FRY: variants seen among roughly 807,000 people sequenced by gnomAD.
The protein encoded by FRY is protein furry homolog.
In FRY, 128 loss-of-function variants were observed where a neutral mutation model predicts 348.4. The ratio of observed to expected loss-of-function variants is 0.37; its 90% CI spans 0.32 to 0.43. The LOEUF is 0.43. Among genes scored for constraint, FRY ranks in the 20% least tolerant of loss-of-function variants. The probability of loss-of-function intolerance (pLI) is 1.00; values close to 1 mark genes in which losing one functional copy is unlikely to be tolerated. For synonymous variants in FRY, 1,370 were observed against 1,374.7 expected (o/e 1.00, Z 0.08); for missense variants, 2,736 against 3,695.2 (o/e 0.74, Z 6.73).
chr13:32,081,926 T>C (rs111445738), intron 2 of FRY, among the ~76,000 whole-genome samples: 1,833 of 152,306 alleles, frequency 0.012, 44 homozygotes, highest in African/African-American at 0.042. Flanking sequence ...TACAAAGACA[T>C]TGAATGCTTT....
At position 32,201,931 on chromosome 13, in the gene FRY, G is replaced by A; in HGVS notation, c.3747-10G>A. 1 of 1,449,986 alleles carries A rather than the reference G, an allele frequency of 6.9e-7. No individual in the cohort carries two copies. Among genetic ancestry groups the A allele is most frequent in the Non-Finnish European group, 9.7e-7 (1 of 1,030,466 alleles). 89.8% of individuals were successfully genotyped at this position (1,449,986 alleles called of 1,614,324 possible). On this transcript the variant is annotated splice_polypyrimidine_tract_variant and intron_variant, in intron 29 of 60. Transcript: ENST00000542859. ...CATGCTTTTTTTGTTTTGTTCTGTT[G>A]TGTTTTTAGGAACTATCCCTTCGAC... is the stretch of plus-strand genomic sequence containing the variant.
At chr13:32,282,242 C>A (rs1427439266) in intron 58 of FRY, among the ~76,000 whole-genome samples, 1 of 152,188 alleles carries the variant, frequency 6.6e-6, no homozygotes. Context: ...TCCAACACTC[C>A]TGTGTAATCA....
Position 32,208,907 on chromosome 13 carries a change from C to T in FRY, c.4073C>T (p.Thr1358Ile). ...CCCAACGGGCGCCAGATCATGCTTA[C>T]CTACCTGCTGCCCTGGCTGCACAAC... Reference protein sequence around the residue: ...THPNGRQIMLTYLLPWLHNIE... With the variant: ...THPNGRQIMLIYLLPWLHNIE... Residue 1358 changes from threonine (T) to isoleucine (I), a missense_variant, in exon 32 of 61, where the codon ACC becomes ATC. Thr to Ile is a moderately conservative substitution (Grantham distance 89, BLOSUM62 -1). Around this residue, in one of 9 missense-constraint regions of FRY, gnomAD observed 794 missense variants for 977.0 expected, o/e 0.81. Coordinates refer to ENST00000542859, the MANE Select transcript of FRY (RefSeq NM_023037.3). The T allele has an allele frequency of 1.2e-6, 2 of 1,614,206 alleles. No individual in the cohort carries two copies. Among genetic ancestry groups the T allele is most frequent in the Non-Finnish European group, 1.7e-6 (2 of 1,180,028 alleles).
Position 32,218,774 on chromosome 13 carries a change from A to G in FRY, c.4708A>G (p.Thr1570Ala), listed in dbSNP as rs747394981. The change falls in exon 36 of 61, where the codon ACT becomes GCT. Residue 1570 changes from threonine (T) to alanine (A), a missense_variant. Transcript: ENST00000542859. ...GTTTAGTAATGTCATCAGAGCCCAC[A>G]CTCGCCTCGAGTCAAGATACAGCAA... The part of the protein sequence containing the change: ...ERFSNVIRAH[T>A]RLESRYSNSS... 2.5e-6 allele frequency: 4 copies of G among 1,605,894 alleles called. No individual in the cohort carries two copies. The South Asian group carries it at 4.4e-5, about 18-fold the overall frequency.
chr13:32,090,088 C>T (rs1337089623), intron 2 of FRY, among the ~76,000 whole-genome samples: 2 of 152,058 alleles, frequency 1.3e-5, no homozygotes, highest in Non-Finnish European at 2.9e-5. Context: ...GTGGCTCATG[C>T]CTGTAATCCC....
At chr13:32,242,130 T>C (rs900750674) in intron 46 of FRY, among the ~76,000 whole-genome samples, 2 of 152,246 alleles carry the variant, frequency 1.3e-5, no homozygotes, top group African/African-American at 4.8e-5. Context: ...ATTTTTTCCA[T>C]TACAAATGGT....
At chr13:32,104,878 G>A (rs1218701668) in intron 3 of FRY, among the ~76,000 whole-genome samples, 6 of 152,148 alleles carry the variant, frequency 3.9e-5, no homozygotes, top group Non-Finnish European at 7.3e-5. Context: ...ATTGTAAGAC[G>A]TGACTTTGCT....
intron 35 of FRY, among the ~76,000 whole-genome samples, chr13:32,214,345 C>T (rs549414317): frequency 1.5e-4 from 23 of 152,348 alleles, no homozygotes; most frequent in African/African-American, 4.8e-4. Flanking sequence ...CAAGCTTGTC[C>T]AACCTGCGGC....
intron 60 of FRY, 144 bp downstream of exon 60, chr13:32,294,714 C>T (rs1889547756): frequency 1.4e-6 from 1 of 711,782 alleles, no homozygotes; most frequent in Non-Finnish European, 2.5e-6. Flanking sequence ...AAACCAGAAA[C>T]ACTCAGCTTT....
intron 17 of FRY, among the ~76,000 whole-genome samples, chr13:32,163,438 A>C (rs1218022534): frequency 6.6e-6 from 1 of 152,158 alleles, no homozygotes; most frequent in Non-Finnish European, 1.5e-5. Context: ...AATTTTGGTG[A>C]AATTGGAATG....
chr13:32,186,501 A>C, intron 27 of FRY, 81 bp downstream of exon 27: 1 of 923,372 alleles, frequency 1.1e-6, no homozygotes, highest in Non-Finnish European at 1.8e-6. Context: ...CTTAAAAATA[A>C]GCTTAAAATA....
chr13:32,181,047 C>G (rs191883651), intron 23 of FRY, among the ~76,000 whole-genome samples: 124 of 152,042 alleles, frequency 8.2e-4, no homozygotes, highest in Non-Finnish European at 1.3e-3. Context: ...CGCACCACCA[C>G]TCCTGGCTAA....
At position 32,194,324 on chromosome 13, in the gene FRY, G is replaced by A. The variant is rs954236235; in HGVS notation, c.3746+27G>A. ...TACGAATTTTTATAAGCAGTGATGA[G>A]TGGCAAGTATGTTTAGGGTTACTTT... On this transcript the variant is annotated intron_variant, in intron 29 of 60. Transcript: ENST00000542859. The A allele has an allele frequency of 6.2e-6, 10 of 1,606,496 alleles. No homozygotes were observed. In the African/African-American group the frequency reaches 9.4e-5, roughly 15 times the overall value.
At chr13:32,133,771 T>C (rs1336565566) in intron 8 of FRY, among the ~76,000 whole-genome samples, 1 of 137,342 alleles carries the variant, frequency 7.3e-6, no homozygotes, top group African/African-American at 2.7e-5. Flanking sequence ...TTTCTTTCTT[T>C]TTTTTTTTTT....
intron 58 of FRY, among the ~76,000 whole-genome samples, chr13:32,280,902 G>T (rs984610064): frequency 2.0e-5 from 3 of 152,110 alleles, no homozygotes; most frequent in African/African-American, 7.2e-5. Context: ...TGTGCTTGTG[G>T]TTTATTTCTA....
rs1179668409 is a variant in FRY at position 32,295,361 on chromosome 13, G to A, written c.8943G>A (p.Glu2981=). 2.5e-6 allele frequency: 4 copies of A among 1,613,694 alleles called. No homozygotes were observed. The East Asian group carries it at 8.9e-5, about 36-fold the overall frequency. ...CCGAGATCTGCACCAAGCTGATGGA[G>A]CTGAACATGGAGATCCGGGACATGA... ...SLTEICTKLM[E]LNMEIRDMIR... The change falls in exon 61 of 61, where the codon GAG becomes GAA. Residue 2981 remains glutamate, a synonymous_variant. Transcript: ENST00000542859.
intron 1 of FRY, among the ~76,000 whole-genome samples, chr13:32,045,415 C>G (rs1163428902): frequency 6.6e-6 from 1 of 152,204 alleles, no homozygotes; most frequent in Admixed American, 6.5e-5. Context: ...GCTGCTACTG[C>G]CTTTCCAGGA....
At chr13:32,125,180 A>G (rs1260558033) in intron 7 of FRY, among the ~76,000 whole-genome samples, 1 of 152,208 alleles carries the variant, frequency 6.6e-6, no homozygotes, top group African/African-American at 2.4e-5. Flanking sequence ...ATCACTTTTG[A>G]AAGTTCTGTT....
At chr13:32,200,446 G>A (rs1454557120) in intron 29 of FRY, among the ~76,000 whole-genome samples, 1 of 152,152 alleles carries the variant, frequency 6.6e-6, no homozygotes, top group Non-Finnish European at 1.5e-5. Flanking sequence ...ACTCAACCAG[G>A]TGCAGTTGTT....
Sources: allele counts gnomAD v4.1 joint callset (sites outside exome capture counted in the v4.1 genomes callset), GRCh38; gene constraint gnomAD v4.1.1; regional missense constraint gnomAD v4.1.1; transcripts MANE v1.5; gene names NCBI Gene and HGNC (gene_info 2026-07-23, HGNC 2026-07-21).